Variants in SLC17A5 observed in about 807,000 individuals in gnomAD.
SLC17A5 encodes solute carrier family 17 member 5.
A neutral mutation model predicts 59.4 loss-of-function variants in SLC17A5; 47 were observed. The ratio of observed to expected loss-of-function variants is 0.79; its 90% CI spans 0.63 to 1.01. The LOEUF is 1.01. Ranked by LOEUF, SLC17A5 falls within the 50% of genes least tolerant of loss-of-function variation. SLC17A5 has a pLI of 0.00. For missense variants in SLC17A5, 522 were observed against 595.5 expected, an observed-to-expected ratio of 0.88 and a Z score of 1.28; for synonymous variants, 202 against 210.7, an observed-to-expected ratio of 0.96 and a Z score of 0.36.
At chr6:73,603,895 G>A (rs1767272646) in intron 9 of SLC17A5, among the ~76,000 whole-genome samples, 1 of 150,226 alleles carries the variant, frequency 6.7e-6, no homozygotes, top group African/African-American at 2.5e-5. Context: ...TAGGTTTAAT[G>A]TTTTTGGTAA....
chr6:73,604,577 C>G (rs1027411998), intron 9 of SLC17A5, among the ~76,000 whole-genome samples: 2 of 152,100 alleles, frequency 1.3e-5, no homozygotes, highest in Middle Eastern at 3.4e-3. Flanking sequence ...AACCCTCTCT[C>G]TACAAAAACT....
chr6:73,628,829 T>C (rs1768556680), intron 6 of SLC17A5, among the ~76,000 whole-genome samples: 1 of 152,174 alleles, frequency 6.6e-6, no homozygotes, highest in African/African-American at 2.4e-5. Context: ...TTATTTGTCA[T>C]GAAATGTGTG....
intron 8 of SLC17A5, among the ~76,000 whole-genome samples, chr6:73,613,456 C>G (rs1022741559): frequency 1.8e-4 from 27 of 152,170 alleles, no homozygotes; most frequent in Admixed American, 8.5e-4. Flanking sequence ...ACCTCTGCCT[C>G]CTGGGTTCAA....
chr6:73,651,398 C>T (rs751992497), intron 1 of SLC17A5, among the ~76,000 whole-genome samples: 8 of 128,086 alleles, frequency 6.2e-5, no homozygotes, highest in Non-Finnish European at 1.3e-4. Context: ...GAGGCTGAGG[C>T]TGCAGTGAGC....
chr6:73,599,956 C>T (rs774398937), intron 10 of SLC17A5, among the ~76,000 whole-genome samples: 27 of 151,968 alleles, frequency 1.8e-4, no homozygotes, highest in Admixed American at 1.6e-3. Flanking sequence ...GCCACCACAC[C>T]GGCTAATTTT....
Position 73,636,683 on chromosome 6 carries a change from G to T in SLC17A5, c.638C>A (p.Ser213Tyr), listed in dbSNP as rs1769020853. The T allele has an allele frequency of 3.1e-6, 5 of 1,611,460 alleles. No homozygotes were observed. Among genetic ancestry groups the T allele is most frequent in the Non-Finnish European group, 3.4e-6 (4 of 1,177,556 alleles). ...GCAAATTATTCCAGAAAGAGGAAGA[G>T]AAATTACTGTCCCAAGCTGTGCTCC... Reference protein sequence around the residue: ...YAGAQLGTVISLPLSGIICYY... With the variant: ...YAGAQLGTVIYLPLSGIICYY... Residue 213 changes from serine (S) to tyrosine (Y), a missense_variant, in exon 5 of 11, where the codon TCT becomes TAT. Physicochemically the swap from Ser to Tyr is moderately radical, Grantham distance 144. Transcript: ENST00000355773.
At chr6:73,595,939 TATATATATAC>T (rs1196260598) in intron 10 of SLC17A5, among the ~76,000 whole-genome samples, 8 of 6,014 alleles carry the variant, frequency 1.3e-3, no homozygotes, top group Admixed American at 2.0e-3. Flanking sequence ...TATACATATA[TATATATATAC>T]GTATATATAT....
intron 8 of SLC17A5, among the ~76,000 whole-genome samples, chr6:73,614,699 T>A (rs1767779887): frequency 1.3e-5 from 2 of 152,130 alleles, no homozygotes; most frequent in Admixed American, 1.3e-4. Context: ...GAAGTCTCCA[T>A]ACAAACTCAA....
chr6:73,647,803 C>G (rs545882045), intron 1 of SLC17A5, among the ~76,000 whole-genome samples: 1 of 152,328 alleles, frequency 6.6e-6, no homozygotes, highest in East Asian at 1.9e-4. Flanking sequence ...CACGGTGGCT[C>G]ACGCCTGTAA....
chr6:73,638,775 G>A (rs1450829307), intron 3 of SLC17A5, among the ~76,000 whole-genome samples: 1 of 151,784 alleles, frequency 6.6e-6, no homozygotes, highest in East Asian at 1.9e-4. Context: ...TTCGAGATCA[G>A]CCTGGGTAAC....
intron 9 of SLC17A5, among the ~76,000 whole-genome samples, chr6:73,605,108 G>A (rs1004053468): frequency 3.3e-5 from 5 of 152,078 alleles, no homozygotes; most frequent in African/African-American, 1.2e-4. Flanking sequence ...GCCTTCCGAA[G>A]TCCTGGGATT....
At chr6:73,650,966 A>G (rs2150125788) in intron 1 of SLC17A5, among the ~76,000 whole-genome samples, 1 of 152,304 alleles carries the variant, frequency 6.6e-6, no homozygotes, top group South Asian at 2.1e-4. Context: ...TCATAATCCT[A>G]TCAAATCTTC....
intron 2 of SLC17A5, 99 bp from the exon 3 acceptor site, chr6:73,642,023 AC>A: frequency 9.0e-7 from 1 of 1,106,794 alleles, no homozygotes; most frequent in East Asian, 2.4e-5. Flanking sequence ...GAGATTTTGA[AC>A]CACTATTTTG....
chr6:73,646,265 C>G (rs554413874), intron 1 of SLC17A5, among the ~76,000 whole-genome samples: 5 of 152,294 alleles, frequency 3.3e-5, no homozygotes, highest in Admixed American at 2.0e-4. Context: ...AGTCTTGATA[C>G]TGGCTCAGAT....
chr6:73,629,326 A>G (rs1407652851), intron 6 of SLC17A5, among the ~76,000 whole-genome samples: 3 of 152,158 alleles, frequency 2.0e-5, no homozygotes, highest in Non-Finnish European at 4.4e-5. Context: ...AGGCAGAGGG[A>G]GGCTGCAGTG....
At chr6:73,616,353 C>A (rs1335748544) in intron 7 of SLC17A5, among the ~76,000 whole-genome samples, 1 of 152,152 alleles carries the variant, frequency 6.6e-6, no homozygotes, top group Non-Finnish European at 1.5e-5. Flanking sequence ...TTTATAGTTA[C>A]ATCACCCAAA....
chr6:73,599,410 C>G (rs1766957160), intron 10 of SLC17A5, among the ~76,000 whole-genome samples: 1 of 152,056 alleles, frequency 6.6e-6, no homozygotes, highest in Non-Finnish European at 1.5e-5. Flanking sequence ...TAAACAAATG[C>G]TGTAACATAT....
intron 8 of SLC17A5, among the ~76,000 whole-genome samples, chr6:73,611,305 A>C (rs553603624): frequency 6.6e-6 from 1 of 151,994 alleles, no homozygotes; most frequent in Non-Finnish European, 1.5e-5. Flanking sequence ...TTTGAGCTGG[A>C]GTCTCACTCT....
intron 10 of SLC17A5, among the ~76,000 whole-genome samples, chr6:73,596,712 C>T (rs1302048224): frequency 2.0e-5 from 3 of 151,886 alleles, no homozygotes; most frequent in South Asian, 2.1e-4. Flanking sequence ...AAAAATTAGC[C>T]GGGCGTGGTG....
Sources: gnomAD v4.1 joint callset for allele counts (sites outside exome capture counted in the v4.1 genomes callset) on GRCh38, gnomAD v4.1.1 for gene constraint, MANE v1.5 for transcripts, NCBI Gene and HGNC (gene_info 2026-07-23, HGNC 2026-07-21) for gene names.